The following YBEY variants were observed in gnomAD, a reference collection of about 807,000 sequenced individuals.
YBEY encodes ybeY metalloendoribonuclease.
In YBEY, 15 loss-of-function variants were observed where a neutral mutation model predicts 13.5. The observed-to-expected ratio is 1.11, with a 90% CI of 0.75 to 1.72. YBEY has a LOEUF of 1.72. Among genes scored for constraint, YBEY ranks in the 40% most tolerant of loss-of-function variants. The pLI is 0.00. For synonymous variants in YBEY, 101 were observed against 83.1 expected (o/e 1.21, Z -1.17); for missense variants, 244 against 208.4 (o/e 1.17, Z -1.05).
downstream of YBEY, chr21:46,302,241 C>T (rs1298391443): frequency 2.1e-6 from 3 of 1,432,374 alleles, no homozygotes; most frequent in African/African-American, 4.3e-5. Flanking sequence ...GGGCTGGATC[C>T]CATGTGATAG....
At chr21:46,297,812 G>C (rs2082002011), downstream of YBEY, 2 of 1,211,860 alleles carry the variant, frequency 1.7e-6, no homozygotes, top group Admixed American at 4.3e-5. Context: ...GGCATCGAGA[G>C]GGCGTCTGGA....
At chr21:46,301,300 C>T (rs905479771), downstream of YBEY, 1 of 277,630 alleles carries the variant, frequency 3.6e-6, no homozygotes, top group Non-Finnish European at 5.5e-6. Flanking sequence ...TATCACCACA[C>T]CTGGCTAGTT....
At chr21:46,312,094 AC>A in the YBEY span, among the ~76,000 whole-genome samples, 1 of 151,954 alleles carries the variant, frequency 6.6e-6, no homozygotes, top group South Asian at 2.1e-4. Context: ...CATCCATCCA[AC>A]CAGCCAACCA....
rs1020042232 is a variant in YBEY at position 46,292,042 on chromosome 21, C to T, written c.339+580C>T. ...GGGCTAGGGAATGCCTGCTGCTGAT[C>T]GGCTGCAGACGGACCATGGGGTGTC... On this transcript the variant is annotated intron_variant, in intron 3 of 4. Coordinates refer to ENST00000397701, the MANE Select transcript of YBEY (RefSeq NM_001314025.2). 3.8e-5 allele frequency: 7 copies of T among 185,284 alleles called. No individual in the cohort carries two copies. The South Asian group carries it at 8.9e-4, about 24-fold the overall frequency. The allele number at this position is 185,284 out of a possible 1,614,324, so 11.5% of individuals were successfully genotyped here. A position where few individuals can be genotyped will look rare whatever the true frequency, so the allele number is the denominator to read the frequency against.
the YBEY span, chr21:46,313,096 A>G: frequency 2.0e-6 from 2 of 979,064 alleles, no homozygotes; most frequent in Non-Finnish European, 2.4e-6. Flanking sequence ...CAAGAGCTAC[A>G]TCGTAAACAG....
At chr21:46,289,457 T>G (rs1200940112) in intron 2 of YBEY, among the ~76,000 whole-genome samples, 2 of 139,026 alleles carry the variant, frequency 1.4e-5, no homozygotes, top group Non-Finnish European at 3.2e-5. Context: ...TTTTTTTTTT[T>G]TTTTTTGAGA....
chr21:46,311,738 ACCATCCACCCACTCAT>A, the YBEY span: 7 of 431,056 alleles, frequency 1.6e-5, no homozygotes, highest in Non-Finnish European at 2.5e-5. Flanking sequence ...CATCCAACCA[ACCATCCACCCACTCAT>A]CCATCCACCC....
the YBEY span, among the ~76,000 whole-genome samples, chr21:46,310,382 G>A: frequency 9.2e-5 from 14 of 152,110 alleles, 2 homozygotes; most frequent in African/African-American, 3.4e-4. Context: ...GAGAGGCTGA[G>A]GCAGGAGAAT....
downstream of YBEY, chr21:46,301,095 T>G (rs981702390): frequency 4.0e-6 from 4 of 1,012,456 alleles, no homozygotes; most frequent in African/African-American, 6.9e-5. Context: ...CTTTTTTTTT[T>G]TTATTAACTC....
downstream of YBEY, chr21:46,300,807 G>A: frequency 7.8e-7 from 1 of 1,285,916 alleles, no homozygotes; most frequent in Non-Finnish European, 1.0e-6. Flanking sequence ...AATAGGGGGT[G>A]AATGAAAGTT....
At chr21:46,289,232 CTG>C (rs757162089) in intron 2 of YBEY, among the ~76,000 whole-genome samples, 5 of 152,004 alleles carry the variant, frequency 3.3e-5, no homozygotes, top group African/African-American at 4.8e-5. Flanking sequence ...TGATTTAACT[CTG>C]TAGAAGTTGT....
the YBEY span, among the ~76,000 whole-genome samples, chr21:46,307,522 G>C: frequency 6.6e-6 from 1 of 152,052 alleles, no homozygotes; most frequent in African/African-American, 2.4e-5. Flanking sequence ...TGGAAAAATC[G>C]ACAGGTAATA....
chr21:46,286,986 AT>A lies in YBEY; in HGVS notation c.75del (p.Ile25MetfsTer2). The A allele has an allele frequency of 6.2e-7, 1 of 1,614,106 alleles. No homozygotes were observed. The highest frequency in any genetic ancestry group is 8.5e-7 in the Non-Finnish European group (1 of 1,180,012). ...RRAPLRSKIEIVRRILGVQKF... is the reference protein window; with the variant it reads ...RRAPLRSKIEXVRRILGVQKF... ...AGCGCCACTTCGCAGTAAGATCGAG[AT>A]TGTAAGGAGGATTTTAGGAGTGCAG... On this transcript the variant is annotated frameshift_variant, in exon 2 of 5. Transcript: ENST00000397701. LOFTEE classifies it high-confidence loss of function.
At chr21:46,310,509 AC>A in the YBEY span, among the ~76,000 whole-genome samples, 540 of 144,758 alleles carry the variant, frequency 3.7e-3, 4 homozygotes, top group African/African-American at 0.013. Flanking sequence ...AAAAAAAAAA[AC>A]AAAACTTGTC....
the YBEY span, among the ~76,000 whole-genome samples, chr21:46,306,288 C>G: frequency 6.6e-6 from 1 of 152,032 alleles, no homozygotes; most frequent in Non-Finnish European, 1.5e-5. Context: ...GAGGGTGGAT[C>G]ATGAGGTTCA....
chr21:46,306,037 C>T, the YBEY span, among the ~76,000 whole-genome samples: 1 of 147,124 alleles, frequency 6.8e-6, no homozygotes, highest in African/African-American at 2.5e-5. Flanking sequence ...GAGTTTTGGA[C>T]CTGCCTTAGG....
At position 46,291,568 on chromosome 21, in the gene YBEY, G is replaced by A; in HGVS notation, c.339+106G>A. On this transcript the variant is annotated intron_variant, in intron 3 of 4. Transcript: ENST00000397701. ...CCATGTGTGTCCGTGGGTACCGTAA[G>A]GGCTACTGGGGGAAGAACCTGTAAG... is the stretch of plus-strand genomic sequence containing the variant. 2.6e-6 allele frequency: 4 copies of A among 1,529,568 alleles called. No homozygotes were observed. In the South Asian group the frequency reaches 3.9e-5, roughly 15 times the overall value. The allele number at this position is 1,529,568 out of a possible 1,614,324, so 94.7% of individuals were successfully genotyped here.
chr21:46,308,044 A>G, the YBEY span, among the ~76,000 whole-genome samples: 1 of 151,972 alleles, frequency 6.6e-6, no homozygotes, highest in East Asian at 2.0e-4. Context: ...CCCAGGCTGG[A>G]GTACAAAGGC....
At chr21:46,288,782 C>CTAA (rs2081575970) in intron 2 of YBEY, among the ~76,000 whole-genome samples, 1 of 152,100 alleles carries the variant, frequency 6.6e-6, no homozygotes, top group African/African-American at 2.4e-5. Flanking sequence ...CTTTGGGAAG[C>CTAA]TAAGGTGGGA....
Sources: gnomAD v4.1 joint callset for allele counts (sites outside exome capture counted in the v4.1 genomes callset) on GRCh38, gnomAD v4.1.1 for gene constraint, MANE v1.5 for transcripts, NCBI Gene and HGNC (gene_info 2026-07-23, HGNC 2026-07-21) for gene names.